Variants in CFAP299 observed in about 807,000 individuals in gnomAD.
CFAP299 encodes the protein cilia- and flagella-associated protein 299.
Under a neutral mutation model 27.0 loss-of-function variants are expected in CFAP299, and 21 were observed. That is an observed-to-expected ratio of 0.78 (90% CI 0.55 to 1.12). CFAP299 has a LOEUF of 1.12. Ranked by LOEUF, CFAP299 falls within the 50% of genes most tolerant of loss-of-function variation. CFAP299 has a pLI of 0.00. For missense variants in CFAP299, 310 were observed against 276.6 expected (o/e 1.12, Z -0.86); for synonymous variants, 104 against 98.1 (o/e 1.06, Z -0.36).
At chr4:80,616,522 A>G (rs1272205501) in intron 3 of CFAP299, among the ~76,000 whole-genome samples, 1 of 152,034 alleles carries the variant, frequency 6.6e-6, no homozygotes, top group Non-Finnish European at 1.5e-5. Context: ...GAAAAAAAAC[A>G]AACTGAGTGA....
intron 2 of CFAP299, among the ~76,000 whole-genome samples, chr4:80,518,209 G>A (rs1244127140): frequency 6.6e-6 from 1 of 152,040 alleles, no homozygotes; most frequent in East Asian, 1.9e-4. Context: ...TGGTGTACAG[G>A]AAATGATGCT....
intron 2 of CFAP299, among the ~76,000 whole-genome samples, chr4:80,401,967 A>C (rs2110050708): frequency 6.6e-6 from 1 of 152,290 alleles, no homozygotes; most frequent in South Asian, 2.1e-4. Context: ...TTGGACCTTT[A>C]AAATTTGACT....
chr4:80,774,506 C>T (rs953465805), intron 3 of CFAP299, among the ~76,000 whole-genome samples: 62 of 151,850 alleles, frequency 4.1e-4, no homozygotes, highest in Admixed American at 2.1e-3. Context: ...CTTTAAACCA[C>T]GATTCTTTGG....
intron 4 of CFAP299, among the ~76,000 whole-genome samples, chr4:80,941,807 A>G (rs1737211451): frequency 6.6e-6 from 1 of 152,170 alleles, no homozygotes; most frequent in Non-Finnish European, 1.5e-5. Flanking sequence ...GGCACTTTAC[A>G]TGGTTGGAGC....
chr4:80,875,081 T>G (rs1448033193), intron 4 of CFAP299, among the ~76,000 whole-genome samples: 1 of 152,208 alleles, frequency 6.6e-6, no homozygotes, highest in Non-Finnish European at 1.5e-5. Flanking sequence ...TGGTTCACAT[T>G]GCTGGCTCAT....
At chr4:80,961,191 A>G (rs1738327402) in intron 5 of CFAP299, among the ~76,000 whole-genome samples, 1 of 151,766 alleles carries the variant, frequency 6.6e-6, no homozygotes, top group Non-Finnish European at 1.5e-5. Flanking sequence ...TATCTAAAAT[A>G]TTGTGTAGGC....
chr4:80,662,002 G>A (rs1210043798), intron 3 of CFAP299, among the ~76,000 whole-genome samples: 1 of 152,074 alleles, frequency 6.6e-6, no homozygotes, highest in East Asian at 1.9e-4. Flanking sequence ...AAAAATTTTG[G>A]TCAGACTGGT....
chr4:80,714,020 T>C (rs140080397), intron 3 of CFAP299, among the ~76,000 whole-genome samples: 80 of 152,238 alleles, frequency 5.3e-4, no homozygotes, highest in Admixed American at 2.4e-3. Flanking sequence ...GTGGAATATA[T>C]ATATATATGT....
chr4:80,658,495 G>A (rs1040232330), intron 3 of CFAP299, among the ~76,000 whole-genome samples: 1 of 152,022 alleles, frequency 6.6e-6, no homozygotes, highest in Admixed American at 6.6e-5. Context: ...ATAATCATCT[G>A]GTTTTTGTCA....
At chr4:80,386,765 C>T (rs1254233187) in intron 2 of CFAP299, 21 of 1,396,976 alleles carry the variant, frequency 1.5e-5, no homozygotes, top group Non-Finnish European at 1.9e-5. Context: ...CTTGTCCGGC[C>T]GGTTGAACAA....
rs540261087 is a variant in CFAP299, at chr4:80,870,458, A to G, written c.476+323A>G. The G allele has an allele frequency of 2.0e-5, 20 of 1,012,248 alleles. No homozygotes were observed. The African/African-American group carries it at 3.3e-4, about 16-fold the overall frequency. 62.7% of individuals were successfully genotyped at this position (1,012,248 alleles called of 1,614,324 possible). On this transcript the variant is annotated intron_variant, in intron 4 of 5. Transcript: ENST00000358105. ...GGGACTTGGTCTGTCCAGAAGCCTC[A>G]AGAACTGCTCATCTAACATGTTTTC... is the stretch of plus-strand genomic sequence containing the variant.
At chr4:80,354,659 T>A (rs57326646) in intron 1 of CFAP299, among the ~76,000 whole-genome samples, 4,266 of 152,230 alleles carry the variant, frequency 0.028, 211 homozygotes, top group African/African-American at 0.097. Context: ...TTTCCTGATC[T>A]TCTTCCTTCT....
chr4:80,921,258 T>C (rs932340609), intron 4 of CFAP299, among the ~76,000 whole-genome samples: 3 of 152,136 alleles, frequency 2.0e-5, no homozygotes, highest in Non-Finnish European at 4.4e-5. Context: ...AAGGAACTCA[T>C]TGTTTTGGAG....
chr4:80,821,415 C>G (rs1475392703), intron 3 of CFAP299, among the ~76,000 whole-genome samples: 1 of 152,120 alleles, frequency 6.6e-6, no homozygotes, highest in South Asian at 2.1e-4. Context: ...CCCCACCTCC[C>G]TCATTTTTGG....
intron 2 of CFAP299, among the ~76,000 whole-genome samples, chr4:80,375,202 G>A (rs374565871): frequency 9.2e-5 from 14 of 152,270 alleles, no homozygotes; most frequent in East Asian, 5.8e-4. Context: ...CCAGAAGATC[G>A]TGGTCCATAG....
chr4:80,388,645 C>G (rs930752866), intron 2 of CFAP299: 44 of 1,298,940 alleles, frequency 3.4e-5, no homozygotes, highest in Non-Finnish European at 4.3e-5. Context: ...CTTGGCCATC[C>G]AGTAATGATG....
chr4:80,843,134 G>A (rs1730956883), intron 3 of CFAP299, among the ~76,000 whole-genome samples: 1 of 151,740 alleles, frequency 6.6e-6, no homozygotes, highest in African/African-American at 2.4e-5. Context: ...ACAACGTGCA[G>A]GTTTGTTATA....
At chr4:80,416,264 G>T (rs575380857) in intron 2 of CFAP299, among the ~76,000 whole-genome samples, 1 of 152,198 alleles carries the variant, frequency 6.6e-6, no homozygotes, top group African/African-American at 2.4e-5. Context: ...ATTTAAAATT[G>T]TGCTTTTGTT....
intron 3 of CFAP299, chr4:80,608,454 C>T (rs764277097): frequency 6.8e-6 from 6 of 876,582 alleles, no homozygotes; most frequent in Non-Finnish European, 1.1e-5. Context: ...TACATATATA[C>T]TCCACTCCAA....
Sources: gnomAD v4.1 joint callset for allele counts (sites outside exome capture counted in the v4.1 genomes callset) on GRCh38, gnomAD v4.1.1 for gene constraint, MANE v1.5 for transcripts, NCBI Gene and HGNC (gene_info 2026-07-23, HGNC 2026-07-21) for gene names.